TPM1: variants seen among roughly 807,000 people sequenced by gnomAD.
TPM1 encodes tropomyosin 1, also known as tropomyosin alpha-1 chain.
In TPM1, 24 loss-of-function variants were observed where a neutral mutation model predicts 42.9. That is an observed-to-expected ratio of 0.56 (90% CI 0.41 to 0.79). The LOEUF is 0.79. TPM1 is among the 30% of genes least tolerant of loss of function. The probability of loss-of-function intolerance (pLI) is 0.00; values close to 1 mark genes in which losing one functional copy is unlikely to be tolerated. For synonymous variants in TPM1, 136 were observed against 130.1 expected (o/e 1.05, Z -0.31); for missense variants, 158 against 351.8 (o/e 0.45, Z 4.41).
At chr15:63,064,342 A>G in intron 9 of TPM1, 200 bp downstream of exon 9, 2 of 1,444,404 alleles carry the variant, frequency 1.4e-6, no homozygotes, top group Admixed American at 5.0e-5. Context: ...TATACAAACC[A>G]TTTTCTTTTC....
At chr15:63,068,554 G>C (rs2036414034), downstream of TPM1, among the ~76,000 whole-genome samples, 1 of 152,162 alleles carries the variant, frequency 6.6e-6, no homozygotes, top group Admixed American at 6.5e-5. Context: ...TTCCCTAGGG[G>C]TAGGTCTGTT....
chr15:63,044,796 T>C, intron 2 of TPM1: 1 of 165,712 alleles, frequency 6.0e-6, no homozygotes, highest in South Asian at 1.5e-4. Context: ...CTGTGAGTTA[T>C]ATATAGCTCA....
intron 3 of TPM1, among the ~76,000 whole-genome samples, chr15:63,057,663 G>C (rs2035012857): frequency 6.6e-6 from 1 of 152,222 alleles, no homozygotes; most frequent in Admixed American, 6.5e-5. Flanking sequence ...CAAATAGTCA[G>C]ATGCTCGTGT....
intron 2 of TPM1, among the ~76,000 whole-genome samples, chr15:63,051,423 T>A (rs2033836806): frequency 6.6e-6 from 1 of 152,216 alleles, no homozygotes; most frequent in South Asian, 2.1e-4. Flanking sequence ...AATGCCTTGT[T>A]CATGTCTGTT....
downstream of TPM1, chr15:63,070,826 C>A: frequency 7.9e-7 from 1 of 1,266,066 alleles, no homozygotes; most frequent in Non-Finnish European, 1.0e-6. Context: ...CACCAAACCC[C>A]ACGTGCATTT....
chr15:63,047,375 C>T (rs1449430343), intron 2 of TPM1: 2 of 152,224 alleles, frequency 1.3e-5, no homozygotes, highest in Non-Finnish European at 2.9e-5. Context: ...TGTGACAAAC[C>T]TGAGGAGAAA....
intron 1 of TPM1, 110 bp from the exon 2 acceptor site, chr15:63,043,917 T>A: frequency 6.4e-7 from 1 of 1,554,244 alleles, no homozygotes; most frequent in South Asian, 1.2e-5. Flanking sequence ...TCCCTCTGTC[T>A]CTCCCGCTGT....
At chr15:63,051,549 C>G (rs1487177819) in intron 2 of TPM1, among the ~76,000 whole-genome samples, 1 of 151,372 alleles carries the variant, frequency 6.6e-6, no homozygotes, top group Admixed American at 6.6e-5. Flanking sequence ...TTTTTTTTTC[C>G]CCCCTTTCCT....
rs766724527 is a variant in TPM1, at chr15:63,065,891, C to A, written c.852-5C>A. ...TTTTCCTCCCACCTTTTTATCTTCA[C>A]GCAGATAAGTTTCTTTGCTTCACTT... On this transcript the variant is annotated splice_polypyrimidine_tract_variant and splice_region_variant and intron_variant, in intron 9 of 9. Coordinates refer to ENST00000403994, the MANE Select transcript of TPM1 (RefSeq NM_001018005.2). 1 of 1,605,848 alleles carries A rather than the reference C, an allele frequency of 6.2e-7. No homozygotes were observed. The highest frequency in any genetic ancestry group is 2.2e-5 in the East Asian group (1 of 44,708).
At chr15:63,067,196 A>G (rs1302832309), downstream of TPM1, among the ~76,000 whole-genome samples, 16 of 152,316 alleles carry the variant, frequency 1.1e-4, no homozygotes. Context: ...ATAAATTTGG[A>G]CAAACTCAGA....
chr15:63,048,349 C>A, intron 2 of TPM1: 3 of 1,188,362 alleles, frequency 2.5e-6, no homozygotes, highest in South Asian at 3.4e-5. Flanking sequence ...GGATCCACGG[C>A]GCGCGCCCCT....
At chr15:63,048,548 C>T (rs980266419) in intron 2 of TPM1, 3 of 1,516,814 alleles carry the variant, frequency 2.0e-6, no homozygotes, top group African/African-American at 2.9e-5. Flanking sequence ...CCCACTGCAG[C>T]CCTCCCGCCC....
intron 9 of TPM1, chr15:63,064,461 C>T: frequency 8.6e-7 from 1 of 1,158,930 alleles, no homozygotes; most frequent in Non-Finnish European, 1.1e-6. Context: ...AACTAGAAGG[C>T]CATGCCGTTT....
chr15:63,061,202 G>A, intron 5 of TPM1: 1 of 1,614,200 alleles, frequency 6.2e-7, no homozygotes, highest in Non-Finnish European at 8.5e-7. Flanking sequence ...TAACAGCCAA[G>A]TCCGACAGCT....
intron 9 of TPM1, 183 bp downstream of exon 9, chr15:63,064,325 G>T (rs1261606662): frequency 1.2e-5 from 18 of 1,497,908 alleles, no homozygotes; most frequent in Non-Finnish European, 1.5e-5. Context: ...ATTAGATTAA[G>T]TCTGTCTATA....
intron 1 of TPM1, chr15:63,043,695 G>C: frequency 6.5e-7 from 1 of 1,543,918 alleles, no homozygotes; most frequent in Non-Finnish European, 8.7e-7. Flanking sequence ...CCCGCCCGCC[G>C]CTGCCCCCAG....
chr15:63,046,378 C>T (rs1490123817), intron 2 of TPM1: 7 of 152,150 alleles, frequency 4.6e-5, no homozygotes, highest in African/African-American at 1.4e-4. Flanking sequence ...GGGAGAAGTC[C>T]GGTAAGGGAG....
intron 1 of TPM1, chr15:63,043,226 G>C (rs1256651678): frequency 1.3e-5 from 7 of 520,594 alleles, no homozygotes; most frequent in Non-Finnish European, 2.5e-5. Context: ...GAATCAGTTT[G>C]GGGGAGGGAG....
chr15:63,070,049 C>T, downstream of TPM1: 6 of 1,574,950 alleles, frequency 3.8e-6, no homozygotes, highest in Non-Finnish European at 5.2e-6. Context: ...CAGTTGCTTT[C>T]TGCAGAAATG....
Sources: allele counts gnomAD v4.1 joint callset (sites outside exome capture counted in the v4.1 genomes callset), GRCh38; gene constraint gnomAD v4.1.1; transcripts MANE v1.5; gene names NCBI Gene and HGNC (gene_info 2026-07-23, HGNC 2026-07-21).